GPATCH8: variants seen among roughly 807,000 people sequenced by gnomAD.
GPATCH8 encodes the protein G-patch domain containing 8, also known as G patch domain-containing protein 8.
In GPATCH8, 18 loss-of-function variants were observed where a neutral mutation model predicts 118.3. The observed-to-expected ratio is 0.15, with a 90% confidence interval of 0.11 to 0.23. The LOEUF (loss-of-function observed/expected upper bound fraction) is 0.23. Among genes scored for constraint, GPATCH8 ranks in the 10% least tolerant of loss-of-function variants. GPATCH8 has a pLI of 1.00. For synonymous variants in GPATCH8, 659 were observed against 684.7 expected, an observed-to-expected ratio of 0.96 and a Z score of 0.59; for missense variants, 1,631 against 1,873.8, an observed-to-expected ratio of 0.87 and a Z score of 2.39.
intron 7 of GPATCH8, among the ~76,000 whole-genome samples, chr17:44,403,808 C>T (rs2049118040): frequency 6.6e-6 from 1 of 152,020 alleles, no homozygotes; most frequent in South Asian, 2.1e-4. Flanking sequence ...ATTCTCCTGC[C>T]TCAGCCTCCT....
At chr17:44,423,879 A>G (rs1425809853) in intron 6 of GPATCH8, among the ~76,000 whole-genome samples, 1 of 152,208 alleles carries the variant, frequency 6.6e-6, no homozygotes, top group African/African-American at 2.4e-5. Flanking sequence ...TTCCTTCTCA[A>G]AATTTATCTA....
intron 3 of GPATCH8, among the ~76,000 whole-genome samples, chr17:44,456,502 A>G (rs1450792139): frequency 6.6e-6 from 1 of 152,206 alleles, no homozygotes; most frequent in African/African-American, 2.4e-5. Context: ...ATTCTTTTGA[A>G]TTCAAATCTA....
rs766023158 is a variant in GPATCH8, at chr17:44,398,513, T to C, written c.3564A>G (p.Leu1188=). The C allele has an allele frequency of 6.2e-7, 1 of 1,602,776 alleles. No individual in the cohort carries two copies. Among genetic ancestry groups the C allele is most frequent in the Non-Finnish European group, 8.5e-7 (1 of 1,174,718 alleles). The stretch of plus-strand genomic sequence containing the variant: ...CCTCTGAAGGGAACTGATGCCCAAA[T>C]AGGGCATCACTACTCCCTGGGGGCC... ...EEGPPGSSDA[L]FGHQFPSEET... The change falls in exon 8 of 8, where the codon CTA becomes CTG. Residue 1188 remains leucine (L), a synonymous_variant. Coordinates refer to ENST00000591680, the MANE Select transcript of GPATCH8 (RefSeq NM_001002909.4).
chr17:44,437,309 A>T (rs1441732273), intron 3 of GPATCH8, among the ~76,000 whole-genome samples: 1 of 152,072 alleles, frequency 6.6e-6, no homozygotes, highest in Non-Finnish European at 1.5e-5. Flanking sequence ...ATGCTGGATA[A>T]TTTTTTTAAT....
intron 5 of GPATCH8, among the ~76,000 whole-genome samples, chr17:44,428,144 G>A (rs1397688693): frequency 1.3e-5 from 2 of 151,712 alleles, no homozygotes; most frequent in Non-Finnish European, 2.9e-5. Context: ...TTAGCTAGGC[G>A]TGGTGGTGTG....
rs1464386982 is a variant in GPATCH8, at chr17:44,490,434, A to G, written c.45+12892T>C. On this transcript the variant is annotated intron_variant, in intron 1 of 7. Coordinates refer to ENST00000591680, the MANE Select transcript of GPATCH8 (RefSeq NM_001002909.4). Reference sequence around the variant, plus strand: ...GGTCCTATATTACAGCATTCCTAAAATTTAGTTTTAATGACTGCTTGTAGG... The same window carrying G: ...GGTCCTATATTACAGCATTCCTAAAGTTTAGTTTTAATGACTGCTTGTAGG... Among the ~76,000 whole-genome samples the G allele has an allele frequency of 2.0e-5, 3 of 152,160 alleles. 1 individual carries two copies. The highest frequency in any genetic ancestry group is 4.4e-5 in the Non-Finnish European group (3 of 68,030).
intron 4 of GPATCH8, among the ~76,000 whole-genome samples, chr17:44,436,027 C>T (rs946956240): frequency 1.1e-3 from 53 of 46,428 alleles, no homozygotes; most frequent in Non-Finnish European, 1.8e-3. Context: ...GAAACTCCAT[C>T]TCAAAAAAAA....
At chr17:44,465,836 A>G (rs1026158305) in intron 2 of GPATCH8, 24 of 152,224 alleles carry the variant, frequency 1.6e-4, no homozygotes, top group Non-Finnish European at 1.9e-4. Flanking sequence ...TTGAACTCAT[A>G]GAGGAAAGAA....
chr17:44,407,524 C>T (rs977475334), intron 6 of GPATCH8, among the ~76,000 whole-genome samples: 2 of 151,998 alleles, frequency 1.3e-5, no homozygotes, highest in Non-Finnish European at 2.9e-5. Flanking sequence ...TGTATTTCTT[C>T]CAGAAAAATG....
intron 1 of GPATCH8, among the ~76,000 whole-genome samples, chr17:44,493,505 TACCAAC>T (rs761793799): frequency 1.3e-5 from 2 of 152,204 alleles, no homozygotes; most frequent in Non-Finnish European, 2.9e-5. Context: ...CTGGAGATAA[TACCAAC>T]ACTTTACATA....
At chr17:44,409,178 C>T (rs1402108730) in intron 6 of GPATCH8, 1 of 152,282 alleles carries the variant, frequency 6.6e-6, no homozygotes, top group East Asian at 1.9e-4. Flanking sequence ...AACCAGTTCA[C>T]TTCTCCTTAG....
intron 1 of GPATCH8, among the ~76,000 whole-genome samples, chr17:44,482,055 A>T (rs1401318740): frequency 6.6e-6 from 1 of 152,112 alleles, no homozygotes; most frequent in Non-Finnish European, 1.5e-5. Context: ...TACAAGGCAG[A>T]GGTTGCAGTG....
At chr17:44,425,611 C>T (rs974558309) in intron 5 of GPATCH8, among the ~76,000 whole-genome samples, 1 of 152,186 alleles carries the variant, frequency 6.6e-6, no homozygotes, top group Non-Finnish European at 1.5e-5. Flanking sequence ...TCACTGCAGT[C>T]TTCACCTCCT....
intron 6 of GPATCH8, among the ~76,000 whole-genome samples, chr17:44,415,881 G>C (rs912101298): frequency 6.6e-6 from 1 of 152,212 alleles, no homozygotes; most frequent in African/African-American, 2.4e-5. Context: ...AGAACAGTTA[G>C]AAATACATAA....
At chr17:44,482,040 G>C (rs1417501059) in intron 1 of GPATCH8, among the ~76,000 whole-genome samples, 1 of 152,108 alleles carries the variant, frequency 6.6e-6, no homozygotes, top group Non-Finnish European at 1.5e-5. Context: ...AGAATCGCTT[G>C]AACCTACAAG....
intron 1 of GPATCH8, among the ~76,000 whole-genome samples, chr17:44,475,649 G>C (rs1967704939): frequency 6.6e-6 from 1 of 151,962 alleles, no homozygotes; most frequent in Non-Finnish European, 1.5e-5. Context: ...AGCCGAGATC[G>C]CACCACTGCA....
intron 3 of GPATCH8, among the ~76,000 whole-genome samples, chr17:44,456,119 TTATA>T (rs1278026218): frequency 1.3e-5 from 2 of 150,248 alleles, no homozygotes; most frequent in African/African-American, 4.8e-5. Flanking sequence ...GCTTATTTAT[TTATA>T]GAGACAGGTC....
Position 44,400,945 on chromosome 17 carries a change from T to C in GPATCH8, c.1132A>G (p.Lys378Glu). The stretch of plus-strand genomic sequence containing the variant: ...GCTCCTTCTTCTCGTTTCATCCTTT[T>C]TAATTTGGATAATGTTGAGGCAAGG... ...GSLASTLSKL[K>E]RMKREEGAGA... Residue 378 changes from lysine (K) to glutamate (E), a missense_variant, in exon 8 of 8, where the codon AAA becomes GAA. Around this residue, in one of 8 missense-constraint regions of GPATCH8, gnomAD observed 405 missense variants for 462.7 expected, o/e 0.88. Transcript: ENST00000591680. 1 of 1,614,174 alleles carries C rather than the reference T, an allele frequency of 6.2e-7. No homozygotes were observed.
chr17:44,491,799 A>AG (rs1201405859), intron 1 of GPATCH8, among the ~76,000 whole-genome samples: 1 of 152,022 alleles, frequency 6.6e-6, no homozygotes, highest in African/African-American at 2.4e-5. Flanking sequence ...GAGTGCAGTA[A>AG]GCAGTGATCG....
Sources: allele counts gnomAD v4.1 joint callset (sites outside exome capture counted in the v4.1 genomes callset), GRCh38; gene constraint gnomAD v4.1.1; regional missense constraint gnomAD v4.1.1; transcripts MANE v1.5; gene names NCBI Gene and HGNC (gene_info 2026-07-23, HGNC 2026-07-21).